The following KHDRBS2 variants were observed in gnomAD, a reference collection of about 807,000 sequenced individuals.
KHDRBS2 encodes KH domain-containing, RNA-binding, signal transduction-associated protein 2.
Under a neutral mutation model 44.3 loss-of-function variants are expected in KHDRBS2, and 26 were observed. The observed-to-expected ratio is 0.59, with a 90% CI of 0.43 to 0.81. The LOEUF (loss-of-function observed/expected upper bound fraction) is 0.81. Ranked by LOEUF, KHDRBS2 falls within the 40% of genes least tolerant of loss-of-function variation. The pLI, the probability that KHDRBS2 is intolerant of heterozygous loss-of-function variation, is 0.00. For synonymous variants in KHDRBS2, 194 were observed against 151.1 expected (o/e 1.28, Z -2.08); for missense variants, 476 against 433.1 (o/e 1.10, Z -0.88).
intron 1 of KHDRBS2, among the ~76,000 whole-genome samples, chr6:62,211,757 A>C (rs2150145436): frequency 6.6e-6 from 1 of 152,322 alleles, no homozygotes; most frequent in South Asian, 2.1e-4. Context: ...GCGATACCTG[A>C]AAGACCTCAA....
intron 6 of KHDRBS2, among the ~76,000 whole-genome samples, chr6:61,760,583 G>C (rs184073385): frequency 6.6e-6 from 1 of 151,726 alleles, no homozygotes; most frequent in Admixed American, 6.6e-5. Context: ...AGTGAGCCTG[G>C]ATCATGACAA....
At chr6:62,207,414 G>A (rs1364578523) in intron 1 of KHDRBS2, among the ~76,000 whole-genome samples, 1 of 152,056 alleles carries the variant, frequency 6.6e-6, no homozygotes, top group Non-Finnish European at 1.5e-5. Context: ...ACCAGTTTAA[G>A]CTTATAAACT....
the KHDRBS2 span, among the ~76,000 whole-genome samples, chr6:61,674,856 G>A: frequency 6.6e-6 from 1 of 151,678 alleles, no homozygotes; most frequent in South Asian, 2.1e-4. Flanking sequence ...GGTATTACAT[G>A]AACGAAAATA....
the KHDRBS2 span, among the ~76,000 whole-genome samples, chr6:61,672,530 T>C: frequency 3.9e-5 from 6 of 152,106 alleles, no homozygotes; most frequent in African/African-American, 2.4e-5. Context: ...TTTTCAATGA[T>C]TGCCATTCTA....
intron 6 of KHDRBS2, among the ~76,000 whole-genome samples, chr6:61,848,149 T>C (rs1794680066): frequency 6.6e-6 from 1 of 151,898 alleles, no homozygotes; most frequent in Non-Finnish European, 1.5e-5. Context: ...TTCAGGTACT[T>C]GGGGTACAAG....
chr6:61,858,588 C>T (rs535588686), intron 6 of KHDRBS2, among the ~76,000 whole-genome samples: 2 of 152,022 alleles, frequency 1.3e-5, no homozygotes, highest in East Asian at 3.9e-4. Flanking sequence ...ACAACAATGG[C>T]TTCCTATTTT....
the KHDRBS2 span, among the ~76,000 whole-genome samples, chr6:61,563,612 A>G: frequency 6.6e-6 from 1 of 152,096 alleles, no homozygotes; most frequent in African/African-American, 2.4e-5. Flanking sequence ...GTCACAGTCG[A>G]TGGAATATGG....
intron 1 of KHDRBS2, among the ~76,000 whole-genome samples, chr6:62,283,083 C>T (rs1330506598): frequency 1.3e-5 from 2 of 152,128 alleles, no homozygotes; most frequent in African/African-American, 2.4e-5. Context: ...GCTGTTTTAT[C>T]ATATTCAAAA....
chr6:61,662,425 G>A, the KHDRBS2 span, among the ~76,000 whole-genome samples: 82 of 151,894 alleles, frequency 5.4e-4, no homozygotes, highest in African/African-American at 2.0e-3. Context: ...AAGAGCTTCT[G>A]CACAGCAAAA....
chr6:62,171,524 C>T (rs1001716779), intron 2 of KHDRBS2, among the ~76,000 whole-genome samples: 20 of 151,972 alleles, frequency 1.3e-4, no homozygotes, highest in African/African-American at 4.8e-4. Context: ...GGATATTGTC[C>T]GCAACAATGT....
rs954817635 is a variant in KHDRBS2, at chr6:61,747,343, T to C, written c.811-14579A>G. On this transcript the variant is annotated intron_variant, in intron 6 of 8. Transcript: ENST00000281156. ...TCCTGCCAAACTTCTTGGTGTTATG[T>C]TGGTTGTTCAAAAGGAATTTTGTAG... Among the ~76,000 whole-genome samples the C allele has an allele frequency of 9.2e-5, 14 of 152,288 alleles. 1 individual carries two copies. Among genetic ancestry groups the C allele is most frequent in the Admixed American group, 5.9e-4 (9 of 15,290 alleles).
intron 1 of KHDRBS2, among the ~76,000 whole-genome samples, chr6:62,204,173 C>G (rs563373083): frequency 1.1e-4 from 16 of 152,248 alleles, no homozygotes; most frequent in Middle Eastern, 3.4e-3. Context: ...TATCATGCCT[C>G]AGGCATTCCT....
At chr6:62,188,266 C>T (rs1454338004) in intron 1 of KHDRBS2, among the ~76,000 whole-genome samples, 1 of 152,098 alleles carries the variant, frequency 6.6e-6, no homozygotes, top group African/African-American at 2.4e-5. Context: ...AACTTATCAT[C>T]TTGTATAATA....
At chr6:61,954,388 CATAT>C (rs1765532556) in intron 4 of KHDRBS2, among the ~76,000 whole-genome samples, 2 of 139,066 alleles carry the variant, frequency 1.4e-5, no homozygotes, top group Non-Finnish European at 3.2e-5. Flanking sequence ...TGCATGCATA[CATAT>C]ATACGTATGT....
chr6:61,740,692 T>C (rs1776012220), intron 6 of KHDRBS2, among the ~76,000 whole-genome samples: 1 of 151,954 alleles, frequency 6.6e-6, no homozygotes, highest in Non-Finnish European at 1.5e-5. Flanking sequence ...TTATGGGTTT[T>C]CACTGAACTG....
intron 7 of KHDRBS2, among the ~76,000 whole-genome samples, chr6:61,709,226 T>G (rs1023467958): frequency 6.6e-6 from 1 of 151,682 alleles, no homozygotes; most frequent in Admixed American, 6.6e-5. Context: ...TGAAATATTC[T>G]GAAACATGAA....
the KHDRBS2 span, among the ~76,000 whole-genome samples, chr6:61,649,023 A>T: frequency 3.3e-5 from 5 of 152,134 alleles, no homozygotes; most frequent in Non-Finnish European, 5.9e-5. Flanking sequence ...GGGGAAAAAA[A>T]TAAAGGTGGC....
In KHDRBS2 at chr6:62,285,849, A is replaced by G; in HGVS notation, c.91+9T>C. On this transcript the variant is annotated intron_variant, in intron 1 of 8. Coordinates refer to ENST00000281156, the MANE Select transcript of KHDRBS2 (RefSeq NM_152688.4). ...GCGGTTTGTGCCCATCTGTGGGGGC[A>G]AGTCCTACCTTCTGCCAAAAGGCGC... The G allele has an allele frequency of 6.2e-7, 1 of 1,607,202 alleles. No individual in the cohort carries two copies. The highest frequency in any genetic ancestry group is 8.5e-7 in the Non-Finnish European group (1 of 1,175,366).
intron 6 of KHDRBS2, among the ~76,000 whole-genome samples, chr6:61,823,442 T>C (rs1317502075): frequency 6.6e-6 from 1 of 152,074 alleles, no homozygotes; most frequent in African/African-American, 2.4e-5. Flanking sequence ...TCTCTTTATA[T>C]AAAAAGATTG....
Sources: gnomAD v4.1 joint callset for allele counts (sites outside exome capture counted in the v4.1 genomes callset) on GRCh38, gnomAD v4.1.1 for gene constraint, MANE v1.5 for transcripts, NCBI Gene and HGNC (gene_info 2026-07-23, HGNC 2026-07-21) for gene names.